The following FARP2 variants were observed in gnomAD, a reference collection of about 807,000 sequenced individuals.
The protein encoded by FARP2 is FERM, ARH/RhoGEF and pleckstrin domain protein 2, also known as FERM, ARHGEF and pleckstrin domain-containing protein 2.
Under a neutral mutation model 130.5 loss-of-function variants are expected in FARP2, and 111 were observed. The ratio of observed to expected loss-of-function variants is 0.85; its 90% CI spans 0.73 to 1.00. The LOEUF (loss-of-function observed/expected upper bound fraction) is 1.00. FARP2 is among the 50% of genes least tolerant of loss of function. The pLI is 0.00. For synonymous variants in FARP2, 504 were observed against 516.9 expected, an observed-to-expected ratio of 0.98 and a Z score of 0.34; for missense variants, 1,385 against 1,346.3, an observed-to-expected ratio of 1.03 and a Z score of -0.45.
intron 19 of FARP2, among the ~76,000 whole-genome samples, chr2:241,477,489 C>A (rs1006910894): frequency 2.0e-5 from 3 of 152,200 alleles, no homozygotes; most frequent in Admixed American, 6.5e-5. Flanking sequence ...TCTCTCCACT[C>A]ATCTGATGGA....
intron 1 of FARP2, among the ~76,000 whole-genome samples, chr2:241,359,213 T>A (rs1443256118): frequency 6.6e-6 from 1 of 152,236 alleles, no homozygotes; most frequent in East Asian, 1.9e-4. Flanking sequence ...GGTTTTATTT[T>A]AAGAGTCATG....
chr2:241,374,135 G>A (rs1276540410), intron 2 of FARP2, among the ~76,000 whole-genome samples: 2 of 151,194 alleles, frequency 1.3e-5, no homozygotes, highest in South Asian at 2.1e-4. Flanking sequence ...CCTCAACCCC[G>A]GGAGTAGCTG....
intron 4 of FARP2, among the ~76,000 whole-genome samples, chr2:241,406,047 T>C (rs1016842194): frequency 6.6e-6 from 1 of 152,140 alleles, no homozygotes; most frequent in East Asian, 1.9e-4. Flanking sequence ...CTCACGCCTG[T>C]AATCCCAGCA....
chr2:241,430,842 A>G (rs2063071732), intron 8 of FARP2, among the ~76,000 whole-genome samples: 1 of 151,990 alleles, frequency 6.6e-6, no homozygotes. Flanking sequence ...CATCTCTACT[A>G]AAAATACAAA....
At chr2:241,384,426 C>G (rs1378359571) in intron 2 of FARP2, among the ~76,000 whole-genome samples, 3 of 152,242 alleles carry the variant, frequency 2.0e-5, no homozygotes, top group Admixed American at 2.0e-4. Flanking sequence ...CCTCCTTGAT[C>G]CACAATCTTA....
At chr2:241,397,125 A>G (rs1432342146) in intron 2 of FARP2, among the ~76,000 whole-genome samples, 1 of 152,176 alleles carries the variant, frequency 6.6e-6, no homozygotes, top group African/African-American at 2.4e-5. Context: ...ATAGATGGGA[A>G]TTGAACAGTG....
chr2:241,407,051 G>T (rs964430484), intron 4 of FARP2, among the ~76,000 whole-genome samples: 4 of 150,252 alleles, frequency 2.7e-5, no homozygotes, highest in African/African-American at 9.8e-5. Flanking sequence ...CTTGTGATCC[G>T]CCCCCCTCAG....
Position 241,381,187 on chromosome 2 carries a change from T to C in FARP2, c.183+7897T>C, listed in dbSNP as rs138207977. On this transcript the variant is annotated intron_variant, in intron 2 of 26. Transcript: ENST00000264042. ...TCTGCTGTGGGCCCTGTACCTGGCC[T>C]GTTGTGGGCTATAAGTAGTGCCGCT... is the stretch of plus-strand genomic sequence containing the variant. 6.8e-3 allele frequency among the ~76,000 whole-genome samples: 1,041 copies of C among 152,272 alleles called. 6 individuals carry two copies. The highest frequency in any genetic ancestry group is 0.012 in the South Asian group (60 of 4,814).
intron 1 of FARP2, among the ~76,000 whole-genome samples, chr2:241,359,030 C>G (rs1250320508): frequency 6.6e-6 from 1 of 152,188 alleles, no homozygotes; most frequent in East Asian, 1.9e-4. Context: ...CTTCCACAAG[C>G]TGAATCCCAT....
rs528917238 is a variant in FARP2, at chr2:241,460,233, C to T, written c.1588-2290C>T. On this transcript the variant is annotated intron_variant, in intron 14 of 26. Transcript: ENST00000264042. Reference sequence around the variant, plus strand: ...TAAACATGGGCCTCTGGGGACGGGACCAGCTCTGCCCCCAGAGAATTCACT... The same window carrying T: ...TAAACATGGGCCTCTGGGGACGGGATCAGCTCTGCCCCCAGAGAATTCACT... Among the ~76,000 whole-genome samples, 3 of 152,220 alleles carry T rather than the reference C, an allele frequency of 2.0e-5. No homozygotes were observed. In the South Asian group the frequency reaches 6.2e-4, roughly 32 times the overall value.
At chr2:241,358,920 T>C (rs75846854) in intron 1 of FARP2, among the ~76,000 whole-genome samples, 1,649 of 152,298 alleles carry the variant, frequency 0.011, 36 homozygotes, top group African/African-American at 0.037. Flanking sequence ...AAAGTAGCAG[T>C]ATGTGGCAAA....
At chr2:241,490,658 C>T (rs531340952) in intron 22 of FARP2, among the ~76,000 whole-genome samples, 94 of 152,356 alleles carry the variant, frequency 6.2e-4, no homozygotes, top group African/African-American at 2.2e-3. Context: ...TCAGCTCTGA[C>T]TCTGCAGCGC....
intron 2 of FARP2, among the ~76,000 whole-genome samples, chr2:241,386,485 C>A (rs1217307607): frequency 6.6e-6 from 1 of 152,204 alleles, no homozygotes; most frequent in Non-Finnish European, 1.5e-5. Context: ...TCTCCCCATT[C>A]TGTCCTTAAG....
rs746196993 is a variant in FARP2, at chr2:241,490,002, T to C, written c.2462T>C (p.Phe821Ser). ...SDNEWSVPHC[F>S]TIYAAQKTIV... The stretch of plus-strand genomic sequence containing the variant: ...AACGAGTGGTCTGTTCCACACTGTT[T>C]CACCATCTACGCGGCTCAGAAAACA... Residue 821 changes from phenylalanine (F) to serine (S), a missense_variant, in exon 22 of 27, where the codon TTC (phenylalanine) becomes TCC (serine). Phe to Ser is a radical substitution (Grantham distance 155, BLOSUM62 -2). Coordinates refer to ENST00000264042, the MANE Select transcript of FARP2 (RefSeq NM_014808.4). The C allele has an allele frequency of 6.2e-7, 1 of 1,614,042 alleles. No homozygotes were observed. The highest frequency in any genetic ancestry group is 8.5e-7 in the Non-Finnish European group (1 of 1,179,894).
chr2:241,483,765 T>G (rs1296111494), intron 20 of FARP2: 1 of 981,374 alleles, frequency 1.0e-6, no homozygotes, highest in Non-Finnish European at 1.2e-6. Flanking sequence ...CCTTCTTCAT[T>G]CCAGGTTCTG....
intron 8 of FARP2, among the ~76,000 whole-genome samples, chr2:241,423,160 A>T (rs1241698681): frequency 6.6e-6 from 1 of 152,182 alleles, no homozygotes; most frequent in Admixed American, 6.5e-5. Flanking sequence ...ACATATAATC[A>T]TCAGATTCTC....
chr2:241,481,927 G>T (rs763598834), intron 19 of FARP2, among the ~76,000 whole-genome samples: 1 of 152,162 alleles, frequency 6.6e-6, no homozygotes, highest in Admixed American at 6.6e-5. Flanking sequence ...CTCAGCCCTG[G>T]GCCTTGCATG....
intron 14 of FARP2, among the ~76,000 whole-genome samples, chr2:241,460,273 C>T (rs1459187072): frequency 2.0e-5 from 3 of 152,096 alleles, no homozygotes; most frequent in Admixed American, 6.5e-5. Context: ...ATATCAAGCT[C>T]AGGTGGAGAA....
chr2:241,476,434 TC>T (rs1361533674), intron 19 of FARP2, among the ~76,000 whole-genome samples: 1 of 152,132 alleles, frequency 6.6e-6, no homozygotes, highest in Non-Finnish European at 1.5e-5. Context: ...ACGCCTGTAA[TC>T]CCAGCACTTT....
Sources: allele counts gnomAD v4.1 joint callset (sites outside exome capture counted in the v4.1 genomes callset), GRCh38; gene constraint gnomAD v4.1.1; transcripts MANE v1.5; gene names NCBI Gene and HGNC (gene_info 2026-07-23, HGNC 2026-07-21).